Variants in COL4A1 observed in about 807,000 individuals in gnomAD.
COL4A1 encodes collagen alpha-1(IV) chain.
In COL4A1, 40 loss-of-function variants were observed where a neutral mutation model predicts 216.6. That is an observed-to-expected ratio of 0.18 (90% CI 0.14 to 0.24). The LOEUF is 0.24. COL4A1 is among the 10% of genes least tolerant of loss of function. The pLI, the probability that COL4A1 is intolerant of heterozygous loss-of-function variation, is 1.00. For missense variants in COL4A1, 1,628 were observed against 2,196.8 expected, an observed-to-expected ratio of 0.74 and a Z score of 5.18; for synonymous variants, 839 against 810.7, an observed-to-expected ratio of 1.03 and a Z score of -0.59.
At chr13:110,248,901 T>G (rs9559750) in intron 1 of COL4A1, among the ~76,000 whole-genome samples, 1 of 152,174 alleles carries the variant, frequency 6.6e-6, no homozygotes, top group Non-Finnish European at 1.5e-5. Flanking sequence ...TTTTTTCGGA[T>G]AGCGAAACCT....
intron 47 of COL4A1, 97 bp downstream of exon 47, chr13:110,163,366 T>C: frequency 9.9e-7 from 1 of 1,013,428 alleles, no homozygotes; most frequent in South Asian, 1.3e-5. Context: ...AAGTGATATA[T>C]CCAACTTCAT....
At chr13:110,191,069 G>T (rs1363106944) in intron 24 of COL4A1, 6 of 152,138 alleles carry the variant, frequency 3.9e-5, no homozygotes, top group African/African-American at 1.4e-4. Flanking sequence ...CTACAGTCAG[G>T]GCTACCCAGT....
chr13:110,209,561 C>T, intron 10 of COL4A1, 134 bp from the exon 11 acceptor site: 1 of 728,706 alleles, frequency 1.4e-6, no homozygotes, highest in Non-Finnish European at 2.4e-6. Flanking sequence ...TCCTGGGCTT[C>T]CCCTCCCTCC....
intron 21 of COL4A1, among the ~76,000 whole-genome samples, chr13:110,197,406 G>A (rs532892831): frequency 7.2e-5 from 11 of 152,148 alleles, no homozygotes; most frequent in Non-Finnish European, 1.3e-4. Flanking sequence ...TCCCTTCCCC[G>A]CTGAATGAAT....
At chr13:110,161,163 G>C (rs1170686532) in intron 49 of COL4A1, 29 bp downstream of exon 49, 1 of 1,609,306 alleles carries the variant, frequency 6.2e-7, no homozygotes, top group Non-Finnish European at 8.5e-7. Context: ...CTTCAATTTT[G>C]CATTTGTTCC....
chr13:110,192,745 C>T (rs2139179875), intron 23 of COL4A1, 85 bp downstream of exon 23: 5 of 1,208,544 alleles, frequency 4.1e-6, no homozygotes, highest in Non-Finnish European at 6.0e-6. Context: ...ATCAGGCCTT[C>T]TATGGAGTGA....
At chr13:110,158,212 TATAAA>T (rs67892901) in intron 49 of COL4A1, among the ~76,000 whole-genome samples, 43,919 of 151,982 alleles carry the variant, frequency 0.29, 7,176 homozygotes, top group African/African-American at 0.44. Flanking sequence ...TTTTAAGACC[TATAAA>T]ATAAGTTTTC....
rs567386852 is a variant in COL4A1, at chr13:110,216,860, C to T, written c.145-2845G>A. Reference sequence around the variant, plus strand: ...AGATTCCGATGCTTAACTGACTTGTCGTACGTCACTGGGTGACCCCTCGTG... The same window carrying T: ...AGATTCCGATGCTTAACTGACTTGTTGTACGTCACTGGGTGACCCCTCGTG... On this transcript the variant is annotated intron_variant, in intron 2 of 51. Transcript: ENST00000375820. Among the ~76,000 whole-genome samples, 21 of 152,324 alleles carry T rather than the reference C, an allele frequency of 1.4e-4. No homozygotes were observed. The South Asian group carries it at 2.3e-3, about 17-fold the overall frequency.
intron 1 of COL4A1, among the ~76,000 whole-genome samples, chr13:110,274,261 T>C (rs183974880): frequency 6.0e-4 from 92 of 152,320 alleles, no homozygotes; most frequent in African/African-American, 2.1e-3. Context: ...ACGTCGTATG[T>C]AGCTCAACTT....
Position 110,183,274 on chromosome 13 carries a change from G to C in COL4A1, c.1900C>G (p.Pro634Ala), listed in dbSNP as rs908568872. 1.9e-6 allele frequency: 3 copies of C among 1,612,450 alleles called. No homozygotes were observed. In the African/African-American group the frequency reaches 4.0e-5, roughly 22 times the overall value. ...GGPGSPGLPG[P>A]KGEPGKIVPL... is the part of the protein sequence containing the mutation. ...ACAATTTTTCCTGGTTCACCCTTTG[G>C]ACCTAGAGGAAAAAAAGAGCAAAGA... is the stretch of plus-strand genomic sequence containing the variant. Residue 634 changes from proline to alanine, a missense_variant and splice_region_variant, in exon 27 of 52, where the codon CCA becomes GCA. By Grantham distance (27) the Pro-to-Ala change is conservative. Around this residue, in one of 8 missense-constraint regions of COL4A1, gnomAD observed 701 missense variants for 892.5 expected, o/e 0.79. Coordinates refer to ENST00000375820, the MANE Select transcript of COL4A1 (RefSeq NM_001845.6).
At chr13:110,196,387 C>T (rs605143) in intron 21 of COL4A1, among the ~76,000 whole-genome samples, 52,032 of 152,028 alleles carry the variant, frequency 0.34, 9,089 homozygotes, top group East Asian at 0.48. Context: ...GTTTATGCTT[C>T]AAAGAGCAGC....
intron 1 of COL4A1, among the ~76,000 whole-genome samples, chr13:110,280,717 C>A (rs1297803256): frequency 6.6e-6 from 1 of 152,176 alleles, no homozygotes; most frequent in East Asian, 1.9e-4. Context: ...TGGTAAGCCT[C>A]TTTCATCTTG....
At chr13:110,206,437 C>T (rs1045901355) in intron 15 of COL4A1, among the ~76,000 whole-genome samples, 2 of 152,182 alleles carry the variant, frequency 1.3e-5, no homozygotes, top group African/African-American at 4.8e-5. Flanking sequence ...GAACAGCCGG[C>T]GGTGGCACCT....
intron 42 of COL4A1, among the ~76,000 whole-genome samples, chr13:110,170,064 G>A (rs1458808338): frequency 1.4e-5 from 2 of 139,762 alleles, no homozygotes; most frequent in African/African-American, 5.6e-5. Flanking sequence ...AGGAGGGGAG[G>A]GAGGAGGGGA....
intron 1 of COL4A1, among the ~76,000 whole-genome samples, chr13:110,279,615 T>C (rs1883551238): frequency 1.3e-5 from 2 of 152,194 alleles, no homozygotes; most frequent in Admixed American, 6.5e-5. Flanking sequence ...TTCTTATTAC[T>C]TGTGTCTTTT....
At chr13:110,166,435 A>C (rs2139150907) in intron 44 of COL4A1, 132 bp from the exon 45 acceptor site, 1 of 738,038 alleles carries the variant, frequency 1.4e-6, no homozygotes, top group East Asian at 2.5e-5. Flanking sequence ...ATACACACAC[A>C]TATACTCATA....
At chr13:110,179,881 T>G (rs139451860) in intron 29 of COL4A1, among the ~76,000 whole-genome samples, 21 of 152,310 alleles carry the variant, frequency 1.4e-4, no homozygotes, top group African/African-American at 4.8e-4. Flanking sequence ...TAATGAAGGT[T>G]TCACAGTAAA....
Position 110,181,356 on chromosome 13 carries a change from G to A in COL4A1, c.2129C>T (p.Pro710Leu), listed in dbSNP as rs938690888. 7 of 1,613,808 alleles carry A rather than the reference G, an allele frequency of 4.3e-6. No individual in the cohort carries two copies. Among genetic ancestry groups the A allele is most frequent in the Middle Eastern group, 1.7e-4 (1 of 6,058 alleles). Residue 710 changes from proline to leucine, a missense_variant, in exon 29 of 52, where the codon CCG becomes CTG. Pro to Leu is a moderately conservative substitution (Grantham distance 98). Coordinates refer to ENST00000375820, the MANE Select transcript of COL4A1 (RefSeq NM_001845.6). ...VDGLPGDMGP[P>L]GTPGRPGFNG... ...AAATCCCGGGCGACCTGGAGTCCCC[G>A]GTGGCCCCATGTCTCCAGGTAAGCC...
intron 17 of COL4A1, 116 bp downstream of exon 17, chr13:110,205,237 G>A (rs1879436496): frequency 1.6e-6 from 2 of 1,217,566 alleles, no homozygotes; most frequent in African/African-American, 1.5e-5. Context: ...CCCAGAAGAA[G>A]CATAAATGAT....
Sources: allele counts gnomAD v4.1 joint callset (sites outside exome capture counted in the v4.1 genomes callset), GRCh38; gene constraint gnomAD v4.1.1; regional missense constraint gnomAD v4.1.1; transcripts MANE v1.5; gene names NCBI Gene and HGNC (gene_info 2026-07-23, HGNC 2026-07-21).